Variants in GRID2 observed in about 807,000 individuals in gnomAD.
GRID2 encodes glutamate receptor ionotropic, delta-2.
A neutral mutation model predicts 114.8 loss-of-function variants in GRID2; 33 were observed. The ratio of observed to expected loss-of-function variants is 0.29; its 90% CI spans 0.22 to 0.38. The LOEUF is 0.38. Among genes scored for constraint, GRID2 ranks in the 10% least tolerant of loss-of-function variants. GRID2 has a pLI of 1.00. For synonymous variants in GRID2, 505 were observed against 449.9 expected, an observed-to-expected ratio of 1.12 and a Z score of -1.55; for missense variants, 1,184 against 1,257.7, an observed-to-expected ratio of 0.94 and a Z score of 0.89.
At chr4:93,524,819 G>GTATATATATATATATATATATATATATA (rs1307000620) in intron 13 of GRID2, among the ~76,000 whole-genome samples, 1 of 52,198 alleles carries the variant, frequency 1.9e-5, no homozygotes, top group Non-Finnish European at 3.1e-5. Flanking sequence ...ATATATGTAT[G>GTATATATATATATATATATATATATATA]TATGTATATA....
chr4:92,741,253 T>A (rs986214636), intron 2 of GRID2, among the ~76,000 whole-genome samples: 1 of 152,116 alleles, frequency 6.6e-6, no homozygotes, highest in Admixed American at 6.6e-5. Flanking sequence ...TTGTGTGGAT[T>A]TAATGAACTA....
chr4:93,475,842 T>C (rs1255217659), intron 11 of GRID2, among the ~76,000 whole-genome samples: 1 of 152,166 alleles, frequency 6.6e-6, no homozygotes, highest in Non-Finnish European at 1.5e-5. Context: ...AGTGGTTTTA[T>C]ATAGTGGCTT....
intron 11 of GRID2, among the ~76,000 whole-genome samples, chr4:93,458,454 A>G (rs1723413292): frequency 6.6e-6 from 1 of 152,048 alleles, no homozygotes; most frequent in Admixed American, 6.6e-5. Context: ...GGGCCTCTCC[A>G]TGAGGTCACT....
chr4:93,096,866 A>G (rs1033956189), intron 3 of GRID2, among the ~76,000 whole-genome samples: 31 of 152,040 alleles, frequency 2.0e-4, no homozygotes, highest in African/African-American at 6.3e-4. Flanking sequence ...AAGAATATTC[A>G]TAGCAGCATT....
chr4:93,054,638 G>T (rs1168333349), intron 2 of GRID2, among the ~76,000 whole-genome samples: 1 of 151,882 alleles, frequency 6.6e-6, no homozygotes, highest in African/African-American at 2.4e-5. Flanking sequence ...TGCTATACCA[G>T]TTTTATAATG....
intron 1 of GRID2, among the ~76,000 whole-genome samples, chr4:92,536,434 A>T (rs7674619): frequency 6.6e-6 from 1 of 152,034 alleles, no homozygotes; most frequent in South Asian, 2.1e-4. Flanking sequence ...ACTACGTTGC[A>T]TAGTACTAGA....
In GRID2 at chr4:92,470,488, A is replaced by G. The variant is rs116660386; in HGVS notation, c.89-119643A>G. 7.1e-3 allele frequency among the ~76,000 whole-genome samples: 1,079 copies of G among 152,098 alleles called. 13 individuals carry two copies. The highest frequency in any genetic ancestry group is 0.034 in the Middle Eastern group (10 of 294). Reference sequence around the variant, plus strand: ...ATTCTTTCATTTATTTCTGAAAAAAAGAGGTAGAATTTTATTTCTGTAATG... The same window carrying G: ...ATTCTTTCATTTATTTCTGAAAAAAGGAGGTAGAATTTTATTTCTGTAATG... On this transcript the variant is annotated intron_variant, in intron 1 of 15. Coordinates refer to ENST00000282020, the MANE Select transcript of GRID2 (RefSeq NM_001510.4).
At chr4:93,709,466 G>T (rs1016159680) in intron 14 of GRID2, among the ~76,000 whole-genome samples, 9 of 152,072 alleles carry the variant, frequency 5.9e-5, no homozygotes, top group African/African-American at 2.2e-4. Context: ...GAGGTCATTT[G>T]TATGTTATTT....
At chr4:93,650,190 T>G (rs1268899033) in intron 14 of GRID2, among the ~76,000 whole-genome samples, 2 of 152,140 alleles carry the variant, frequency 1.3e-5, no homozygotes, top group Non-Finnish European at 2.9e-5. Context: ...TCCAATGCCT[T>G]TCCATAGACA....
At chr4:93,624,238 T>G (rs184280855) in intron 13 of GRID2, among the ~76,000 whole-genome samples, 63 of 152,262 alleles carry the variant, frequency 4.1e-4, no homozygotes, top group Non-Finnish European at 5.9e-5. Flanking sequence ...TTTCACTTGA[T>G]TCTGGTGGGC....
intron 4 of GRID2, among the ~76,000 whole-genome samples, chr4:93,135,053 C>T (rs974480006): frequency 6.6e-6 from 1 of 152,056 alleles, no homozygotes; most frequent in African/African-American, 2.4e-5. Flanking sequence ...GATGTATTTA[C>T]TTTCATAAAC....
At chr4:93,042,623 CTCTATA>C (rs1191142073) in intron 2 of GRID2, among the ~76,000 whole-genome samples, 68 of 132,548 alleles carry the variant, frequency 5.1e-4, no homozygotes, top group African/African-American at 1.8e-3. Flanking sequence ...CTCTCTCTCT[CTCTATA>C]TATATATATA....
chr4:92,748,864 A>G (rs1737289679), intron 2 of GRID2, among the ~76,000 whole-genome samples: 1 of 151,678 alleles, frequency 6.6e-6, no homozygotes, highest in African/African-American at 2.4e-5. Context: ...GGGTTTTGCC[A>G]TGTTGGCCAG....
intron 7 of GRID2, among the ~76,000 whole-genome samples, chr4:93,225,473 G>T (rs1008076579): frequency 5.3e-5 from 8 of 152,242 alleles, no homozygotes; most frequent in African/African-American, 1.9e-4. Flanking sequence ...GATTTAAAAT[G>T]AAATGATTAA....
chr4:93,680,986 A>G (rs1725469981), intron 14 of GRID2, among the ~76,000 whole-genome samples: 1 of 151,432 alleles, frequency 6.6e-6, no homozygotes, highest in Non-Finnish European at 1.5e-5. Context: ...GAGGAAGTCC[A>G]ATTGTCCCTG....
At chr4:92,924,728 G>A (rs1749673173) in intron 2 of GRID2, among the ~76,000 whole-genome samples, 1 of 152,082 alleles carries the variant, frequency 6.6e-6, no homozygotes, top group African/African-American at 2.4e-5. Flanking sequence ...ATCTTTAAGA[G>A]TCTGATATTC....
chr4:93,345,399 G>A (rs1760117168), intron 8 of GRID2, among the ~76,000 whole-genome samples: 1 of 152,030 alleles, frequency 6.6e-6, no homozygotes, highest in Admixed American at 6.6e-5. Context: ...GAATATTAAT[G>A]ATGTTGAGCG....
At chr4:93,127,592 A>G (rs955527046) in intron 4 of GRID2, among the ~76,000 whole-genome samples, 1 of 152,206 alleles carries the variant, frequency 6.6e-6, no homozygotes, top group African/African-American at 2.4e-5. Flanking sequence ...CCTAGGGGAT[A>G]GATGCAAGTT....
chr4:93,062,435 A>C (rs749152262), intron 2 of GRID2, among the ~76,000 whole-genome samples: 3 of 152,142 alleles, frequency 2.0e-5, no homozygotes, highest in Admixed American at 6.6e-5. Flanking sequence ...TATCTCTTAT[A>C]TAATGTCTTT....
Sources: gnomAD v4.1 joint callset for allele counts (sites outside exome capture counted in the v4.1 genomes callset) on GRCh38, gnomAD v4.1.1 for gene constraint, MANE v1.5 for transcripts, NCBI Gene and HGNC (gene_info 2026-07-23, HGNC 2026-07-21) for gene names.